The following ARHGAP42 variants were observed in gnomAD, a reference collection of about 807,000 sequenced individuals.
ARHGAP42 encodes the protein rho GTPase-activating protein 42.
Under a neutral mutation model 125.0 loss-of-function variants are expected in ARHGAP42, and 63 were observed. The observed-to-expected ratio is 0.50, with a 90% CI of 0.41 to 0.62. The LOEUF (loss-of-function observed/expected upper bound fraction) is 0.62. Among genes scored for constraint, ARHGAP42 ranks in the 20% least tolerant of loss-of-function variants. The pLI, the probability that ARHGAP42 is intolerant of heterozygous loss-of-function variation, is 0.00. For synonymous variants in ARHGAP42, 339 were observed against 351.0 expected, an observed-to-expected ratio of 0.97 and a Z score of 0.38; for missense variants, 766 against 1,024.2, an observed-to-expected ratio of 0.75 and a Z score of 3.44.
intron 4 of ARHGAP42, among the ~76,000 whole-genome samples, chr11:100,877,255 A>G (rs1457908104): frequency 6.6e-6 from 1 of 151,904 alleles, no homozygotes; most frequent in Non-Finnish European, 1.5e-5. Flanking sequence ...TAAAGCTCAG[A>G]TGCAGTGACA....
chr11:100,950,949 C>T (rs921900786), intron 12 of ARHGAP42, among the ~76,000 whole-genome samples: 3 of 152,012 alleles, frequency 2.0e-5, no homozygotes, highest in African/African-American at 7.2e-5. Context: ...CTATTGGCCT[C>T]AATTAACCTT....
At chr11:100,966,117 C>T (rs1858087827) in intron 17 of ARHGAP42, among the ~76,000 whole-genome samples, 1 of 151,996 alleles carries the variant, frequency 6.6e-6, no homozygotes, top group Admixed American at 6.6e-5. Context: ...GTTTGAAGAC[C>T]AGTGCTCTAT....
intron 10 of ARHGAP42, among the ~76,000 whole-genome samples, chr11:100,948,055 G>T (rs2135281096): frequency 6.6e-6 from 1 of 152,080 alleles, no homozygotes. Context: ...CATATTAATT[G>T]TAATTGTTTT....
intron 21 of ARHGAP42, 119 bp downstream of exon 21, chr11:100,977,090 A>C (rs1034574756): frequency 4.3e-6 from 5 of 1,160,270 alleles, no homozygotes; most frequent in Non-Finnish European, 6.0e-6. Flanking sequence ...TTATCTGTAG[A>C]GTGGGTACAG....
At chr11:100,876,664 G>A (rs1029788139) in intron 4 of ARHGAP42, among the ~76,000 whole-genome samples, 1 of 152,148 alleles carries the variant, frequency 6.6e-6, no homozygotes, top group Non-Finnish European at 1.5e-5. Flanking sequence ...AAATCTGTGG[G>A]TATGTTTGTG....
intron 4 of ARHGAP42, among the ~76,000 whole-genome samples, chr11:100,910,275 T>C (rs1866874924): frequency 6.6e-6 from 1 of 152,220 alleles, no homozygotes. Context: ...GCAGCAACTA[T>C]GATACTAAAA....
chr11:100,770,608 C>T (rs1862951114), intron 2 of ARHGAP42, among the ~76,000 whole-genome samples, 170 bp downstream of exon 2: 1 of 152,144 alleles, frequency 6.6e-6, no homozygotes, highest in South Asian at 2.1e-4. Flanking sequence ...GACAGAGTCT[C>T]TCTCTGTCAC....
chr11:100,936,398 T>A lies in ARHGAP42; in HGVS notation c.832+66T>A. The A allele has an allele frequency of 2.0e-6, 3 of 1,528,162 alleles. No individual in the cohort carries two copies. In the South Asian group the frequency reaches 3.7e-5, roughly 19 times the overall value. 94.7% of individuals were successfully genotyped at this position (1,528,162 alleles called of 1,614,324 possible). On this transcript the variant is annotated intron_variant, in intron 8 of 23. Coordinates refer to ENST00000298815, the MANE Select transcript of ARHGAP42 (RefSeq NM_152432.4). ...GCCACGATCATGAGATGTGACTTGG[T>A]TAGTAGTATTTCCTTCAAGTAGGAG...
At chr11:100,691,582 C>T (rs1379119981) in intron 1 of ARHGAP42, among the ~76,000 whole-genome samples, 1 of 152,120 alleles carries the variant, frequency 6.6e-6, no homozygotes, top group Non-Finnish European at 1.5e-5. Context: ...GTGATACAGA[C>T]ACGGCTCACT....
At chr11:100,731,338 T>A (rs906709207) in intron 1 of ARHGAP42, among the ~76,000 whole-genome samples, 1 of 152,160 alleles carries the variant, frequency 6.6e-6, no homozygotes, top group Non-Finnish European at 1.5e-5. Context: ...TTTATATTTT[T>A]AGTAGAGACG....
chr11:100,697,441 C>A (rs1376358942), intron 1 of ARHGAP42, among the ~76,000 whole-genome samples: 1 of 152,174 alleles, frequency 6.6e-6, no homozygotes, highest in Non-Finnish European at 1.5e-5. Context: ...CTCGGCCTCC[C>A]AAAGTGCTGG....
intron 1 of ARHGAP42, among the ~76,000 whole-genome samples, chr11:100,746,092 C>T (rs1454379301): frequency 6.6e-6 from 1 of 152,186 alleles, no homozygotes; most frequent in African/African-American, 2.4e-5. Context: ...AGTGCCACTT[C>T]AGTTACTTGG....
At chr11:100,830,910 G>A (rs1034123590) in intron 3 of ARHGAP42, among the ~76,000 whole-genome samples, 1 of 151,966 alleles carries the variant, frequency 6.6e-6, no homozygotes, top group African/African-American at 2.4e-5. Context: ...CATTTTTCTT[G>A]GGATATAATT....
At chr11:100,971,069 T>C (rs556651671) in intron 17 of ARHGAP42, among the ~76,000 whole-genome samples, 3 of 152,070 alleles carry the variant, frequency 2.0e-5, no homozygotes, top group Non-Finnish European at 4.4e-5. Flanking sequence ...GTTTTAGTCA[T>C]ATTGAGCTGA....
At chr11:100,779,567 T>TATACGTATATATACGTATAC in intron 2 of ARHGAP42, among the ~76,000 whole-genome samples, 1 of 146,972 alleles carries the variant, frequency 6.8e-6, no homozygotes, top group South Asian at 2.1e-4. Flanking sequence ...CATACGTATA[T>TATACGTATATATACGTATAC]ATACGTATAT....
chr11:100,919,262 A>G (rs1027158457), intron 5 of ARHGAP42, among the ~76,000 whole-genome samples: 1 of 152,154 alleles, frequency 6.6e-6, no homozygotes, highest in African/African-American at 2.4e-5. Flanking sequence ...CCAAATTCCA[A>G]ACTCCCAGAG....
At chr11:100,751,981 G>C (rs548149988) in intron 1 of ARHGAP42, among the ~76,000 whole-genome samples, 1 of 151,700 alleles carries the variant, frequency 6.6e-6, no homozygotes, top group African/African-American at 2.4e-5. Flanking sequence ...GGTTTCACCA[G>C]GTTGGCCAGG....
chr11:100,763,705 G>T (rs571468403), intron 1 of ARHGAP42, among the ~76,000 whole-genome samples: 1 of 152,052 alleles, frequency 6.6e-6, no homozygotes, highest in African/African-American at 2.4e-5. Flanking sequence ...GGCCAGGCTG[G>T]TCTCGAACTT....
chr11:100,808,745 G>A (rs1280437398), intron 3 of ARHGAP42, among the ~76,000 whole-genome samples: 1 of 152,178 alleles, frequency 6.6e-6, no homozygotes, highest in African/African-American at 2.4e-5. Context: ...GAAATCGGGT[G>A]TATTCTTTAC....
Sources: allele counts gnomAD v4.1 joint callset (sites outside exome capture counted in the v4.1 genomes callset), GRCh38; gene constraint gnomAD v4.1.1; transcripts MANE v1.5; gene names NCBI Gene and HGNC (gene_info 2026-07-23, HGNC 2026-07-21).